SHROOM4: variants seen among roughly 807,000 people sequenced by gnomAD.
The protein encoded by SHROOM4 is protein Shroom4.
Under a neutral mutation model 80.3 loss-of-function variants are expected in SHROOM4, and 17 were observed. The ratio of observed to expected loss-of-function variants is 0.21; its 90% CI spans 0.14 to 0.32. SHROOM4 has a LOEUF of 0.32. Ranked by LOEUF, SHROOM4 falls within the 10% of genes least tolerant of loss-of-function variation. The pLI is 1.00. For synonymous variants in SHROOM4, 400 were observed against 437.5 expected, an observed-to-expected ratio of 0.91 and a Z score of 1.07; for missense variants, 993 against 1,140.3, an observed-to-expected ratio of 0.87 and a Z score of 1.86.
At chrX:50,749,036 C>T (rs1433509100) in intron 1 of SHROOM4, among the ~76,000 whole-genome samples, 7 of 111,549 alleles carry the variant, frequency 6.3e-5, no homozygotes. Flanking sequence ...CATGGTGAAA[C>T]CCCACCTCTA....
At chrX:50,714,088 TATGCTGTTGGTGCCTTTGTCAAAA>T (rs1933887827) in intron 1 of SHROOM4, among the ~76,000 whole-genome samples, 1 of 112,106 alleles carries the variant, frequency 8.9e-6, no homozygotes. Flanking sequence ...TTCCCCACTG[TATGCTGTTGGTGCCTTTGTCAAAA>T]ATCTGTTGGC....
At chrX:50,669,770 G>A (rs1177004370) in intron 2 of SHROOM4, among the ~76,000 whole-genome samples, 1 of 112,108 alleles carries the variant, frequency 8.9e-6, no homozygotes, top group Non-Finnish European at 1.9e-5. Context: ...CACATAAGAA[G>A]CAACTCCTTG....
chrX:50,752,828 G>A (rs1390187547), intron 1 of SHROOM4, among the ~76,000 whole-genome samples: 2 of 111,819 alleles, frequency 1.8e-5, no homozygotes, highest in African/African-American at 6.5e-5. Context: ...ATGAAATGGG[G>A]AGAATCTTTT....
In SHROOM4 at chrX:50,587,410, GTA is replaced by G. The variant is rs1557244955; in HGVS notation, c.*9283_*9284del. Among the ~76,000 whole-genome samples the G allele has an allele frequency of 8.9e-6, 1 of 112,067 alleles. No homozygotes were observed. Among genetic ancestry groups the G allele is most frequent in the Non-Finnish European group, 1.9e-5 (1 of 53,179 alleles). ...TAAATACCCAAAGGAAATGAAATCAGTATCTCGAAGAGATATCTGCACTCTCA... is the reference window on the plus strand; with the variant it reads ...TAAATACCCAAAGGAAATGAAATCAGTCTCGAAGAGATATCTGCACTCTCA... On this transcript the variant is annotated 3_prime_UTR_variant, in exon 9 of 9. Transcript: ENST00000376020.
chrX:50,739,341 T>C (rs1290142460), intron 1 of SHROOM4, among the ~76,000 whole-genome samples: 1 of 111,351 alleles, frequency 9.0e-6, no homozygotes, highest in Non-Finnish European at 1.9e-5. Context: ...GGGATCTAAT[T>C]AAACTAAAGA....
At chrX:50,621,435 T>C (rs1930568913) in intron 5 of SHROOM4, among the ~76,000 whole-genome samples, 1 of 112,065 alleles carries the variant, frequency 8.9e-6, no homozygotes, top group Non-Finnish European at 1.9e-5. Flanking sequence ...TACTTATTCT[T>C]CCAGATAAAT....
At chrX:50,740,988 A>C (rs782397608) in intron 1 of SHROOM4, among the ~76,000 whole-genome samples, 2 of 111,488 alleles carry the variant, frequency 1.8e-5, no homozygotes, top group Non-Finnish European at 3.8e-5. Context: ...ATAAGTATCC[A>C]ATTTCATTCT....
chrX:50,804,460 C>T (rs1321909373), intron 1 of SHROOM4, among the ~76,000 whole-genome samples: 1 of 112,118 alleles, frequency 8.9e-6, no homozygotes, highest in Non-Finnish European at 1.9e-5. Context: ...CCTCATTTCC[C>T]TCCCTCCGTC....
intron 6 of SHROOM4, among the ~76,000 whole-genome samples, chrX:50,606,487 G>C (rs1423805367): frequency 9.0e-6 from 1 of 110,585 alleles, no homozygotes; most frequent in Non-Finnish European, 1.9e-5. Flanking sequence ...CAGAGAGTGG[G>C]CTGAGCTCTC....
intron 1 of SHROOM4, among the ~76,000 whole-genome samples, chrX:50,746,747 A>G (rs1244948571): frequency 8.9e-6 from 1 of 112,042 alleles, no homozygotes; most frequent in Non-Finnish European, 1.9e-5. Context: ...TGTCCTTCAC[A>G]TGAATGATTA....
chrX:50,659,329 G>A (rs1557259770), intron 2 of SHROOM4, among the ~76,000 whole-genome samples: 1 of 111,529 alleles, frequency 9.0e-6, no homozygotes, highest in Non-Finnish European at 1.9e-5. Context: ...GTATAATGCA[G>A]GGATAGAGTA....
At chrX:50,796,183 T>C (rs1409446124) in intron 1 of SHROOM4, among the ~76,000 whole-genome samples, 2 of 111,942 alleles carry the variant, frequency 1.8e-5, no homozygotes, top group Non-Finnish European at 3.8e-5. Context: ...TATGAGATAA[T>C]GTTCTCCATC....
intron 1 of SHROOM4, among the ~76,000 whole-genome samples, chrX:50,804,714 A>G (rs1406154354): frequency 8.9e-6 from 1 of 112,324 alleles, no homozygotes; most frequent in Non-Finnish European, 1.9e-5. Context: ...AAGTTAAATG[A>G]AAATACATGT....
intron 2 of SHROOM4, among the ~76,000 whole-genome samples, chrX:50,639,928 A>G (rs1444336004): frequency 8.9e-6 from 1 of 112,099 alleles, no homozygotes; most frequent in Non-Finnish European, 1.9e-5. Context: ...AACAGTGGCT[A>G]AGATTTAAGC....
intron 2 of SHROOM4, among the ~76,000 whole-genome samples, chrX:50,646,865 A>G (rs782021017): frequency 3.2e-3 from 353 of 109,339 alleles, no homozygotes; most frequent in Non-Finnish European, 5.1e-3. Context: ...GGAAATAAAG[A>G]CTCCCCACAA....
chrX:50,634,200 C>T lies in SHROOM4; in HGVS notation c.1873G>A (p.Glu625Lys). ...DTKEPVEETQ[E>K]PPESPPLTAS... ...GTGAGTGGAGGACTTTCTGGGGGCT[C>T]CTGGGTCTCTTCCACTGGCTCCTTA... Residue 625 changes from glutamate (E) to lysine (K), a missense_variant, in exon 4 of 9, where the codon GAG becomes AAG. Transcript: ENST00000376020. The T allele has an allele frequency of 8.3e-7, 1 of 1,211,606 alleles. No individual in the cohort carries two copies. The highest frequency in any genetic ancestry group is 1.1e-6 in the Non-Finnish European group (1 of 895,478).
At chrX:50,800,377 G>A (rs1423679739) in intron 1 of SHROOM4, among the ~76,000 whole-genome samples, 6 of 111,945 alleles carry the variant, frequency 5.4e-5, no homozygotes, top group Non-Finnish European at 1.1e-4. Context: ...AGCCATTGTC[G>A]TCTAGAAGAT....
intron 2 of SHROOM4, among the ~76,000 whole-genome samples, chrX:50,654,088 G>T (rs1330522129): frequency 3.6e-5 from 4 of 111,873 alleles, no homozygotes; most frequent in African/African-American, 1.3e-4. Flanking sequence ...CCTACCTTTA[G>T]CTATCAGTGC....
At chrX:50,670,335 C>T (rs1932783305) in intron 2 of SHROOM4, among the ~76,000 whole-genome samples, 2 of 107,795 alleles carry the variant, frequency 1.9e-5, no homozygotes, top group Non-Finnish European at 3.8e-5. Context: ...GTTCAACTCT[C>T]ACTTGTGAGT....
Sources: gnomAD v4.1 joint callset for allele counts (sites outside exome capture counted in the v4.1 genomes callset) on GRCh38, gnomAD v4.1.1 for gene constraint, MANE v1.5 for transcripts, NCBI Gene and HGNC (gene_info 2026-07-23, HGNC 2026-07-21) for gene names.